The following TTC28 variants were observed in gnomAD, a reference collection of about 807,000 sequenced individuals.
The protein encoded by TTC28 is tetratricopeptide repeat domain 28.
Under a neutral mutation model 198.0 loss-of-function variants are expected in TTC28, and 61 were observed. That is an observed-to-expected ratio of 0.31 (90% CI 0.25 to 0.38). The LOEUF is 0.38. Among genes scored for constraint, TTC28 ranks in the 10% least tolerant of loss-of-function variants. The pLI is 1.00. For missense variants in TTC28, 2,678 were observed against 3,164.0 expected, an observed-to-expected ratio of 0.85 and a Z score of 3.69; for synonymous variants, 1,171 against 1,297.8, an observed-to-expected ratio of 0.90 and a Z score of 2.10.
chr22:28,599,049 G>A (rs1047083053), intron 2 of TTC28, among the ~76,000 whole-genome samples: 4 of 152,232 alleles, frequency 2.6e-5, no homozygotes, highest in South Asian at 4.1e-4. Context: ...TTCTCTGTGC[G>A]CTATATAGTA....
At position 28,138,064 on chromosome 22, in the gene TTC28, T is replaced by C. The variant is rs530488834; in HGVS notation, c.1441+25028A>G. On this transcript the variant is annotated intron_variant, in intron 6 of 22. Transcript: ENST00000397906. Reference sequence around the variant, plus strand: ...TATAGCCACTATGTCTGGCCCACATTCAAGGGAAGGAGAATTAGGCTCTAC... The same window carrying C: ...TATAGCCACTATGTCTGGCCCACATCCAAGGGAAGGAGAATTAGGCTCTAC... 3.9e-5 allele frequency among the ~76,000 whole-genome samples: 6 copies of C among 152,192 alleles called. No homozygotes were observed. The South Asian group carries it at 1.2e-3, about 32-fold the overall frequency.
intron 2 of TTC28, among the ~76,000 whole-genome samples, chr22:28,482,727 A>G (rs1601453448): frequency 6.6e-6 from 1 of 152,028 alleles, no homozygotes; most frequent in East Asian, 1.9e-4. Flanking sequence ...GCTTCTTCCT[A>G]TTCTCCCCTC....
chr22:28,232,495 C>T (rs1372916702), intron 5 of TTC28, among the ~76,000 whole-genome samples: 1 of 152,172 alleles, frequency 6.6e-6, no homozygotes, highest in Non-Finnish European at 1.5e-5. Context: ...AGCTGCTAGT[C>T]CTTGCTGGAG....
At chr22:28,421,947 A>G (rs1036915519) in intron 2 of TTC28, among the ~76,000 whole-genome samples, 11 of 152,086 alleles carry the variant, frequency 7.2e-5, no homozygotes, top group African/African-American at 2.4e-4. Context: ...AAAAAAAAAA[A>G]AAGAAGAGTT....
intron 6 of TTC28, among the ~76,000 whole-genome samples, chr22:28,120,406 G>A (rs1942753014): frequency 6.6e-6 from 1 of 152,150 alleles, no homozygotes; most frequent in Admixed American, 6.5e-5. Flanking sequence ...AAGGCAGGGT[G>A]GCTGGGTCTG....
chr22:28,440,867 G>A (rs1453622267), intron 2 of TTC28, among the ~76,000 whole-genome samples: 5 of 152,198 alleles, frequency 3.3e-5, no homozygotes, highest in African/African-American at 1.2e-4. Context: ...TTCCAAGGGA[G>A]CTCCTATTTC....
chr22:28,456,867 C>T (rs111631834), intron 2 of TTC28, among the ~76,000 whole-genome samples: 11 of 152,218 alleles, frequency 7.2e-5, no homozygotes, highest in Non-Finnish European at 1.0e-4. Context: ...TGCCACCGCA[C>T]CCGGCCCATA....
chr22:28,030,250 A>C lies in TTC28; in HGVS notation c.4049T>G (p.Val1350Gly). 6.4e-7 allele frequency: 1 copy of C among 1,551,742 alleles called. No homozygotes were observed. Among genetic ancestry groups the C allele is most frequent in the Non-Finnish European group, 8.7e-7 (1 of 1,147,000 alleles). Reference sequence around the variant, plus strand: ...CCTGTTAAACAGGTTATTGCGGCGAACCATCCGCAGAAAGCCAGTGGGGTC... The same window carrying C: ...CCTGTTAAACAGGTTATTGCGGCGACCCATCCGCAGAAAGCCAGTGGGGTC... ...VTDPTGFLRM[V>G]RRNNLFNRSC... The change falls in exon 13 of 23, where the codon GTT becomes GGT. Residue 1350 changes from valine to glycine, a missense_variant. Around this residue, in one of 8 missense-constraint regions of TTC28, gnomAD observed 727 missense variants for 861.9 expected, o/e 0.84. Transcript: ENST00000397906.
At chr22:28,088,225 G>A (rs143292651) in intron 12 of TTC28, among the ~76,000 whole-genome samples, 8,118 of 152,094 alleles carry the variant, frequency 0.053, 737 homozygotes, top group African/African-American at 0.18. Flanking sequence ...AGCCAAAAGA[G>A]CAAAGCTGGA....
At chr22:28,348,080 G>A (rs560367893) in intron 2 of TTC28, among the ~76,000 whole-genome samples, 132 of 152,276 alleles carry the variant, frequency 8.7e-4, no homozygotes, top group South Asian at 8.3e-3. Flanking sequence ...TTCCAAGTCC[G>A]TCTAGGATCT....
chr22:28,105,425 T>C lies in TTC28; in HGVS notation c.3161A>G (p.Glu1054Gly). 1 of 1,551,678 alleles carries C rather than the reference T, an allele frequency of 6.4e-7. No individual in the cohort carries two copies. The highest frequency in any genetic ancestry group is 8.7e-7 in the Non-Finnish European group (1 of 1,146,982). ...CTGTTCTTGATAGACCACAGCCCTC[T>C]CGAAGGTGCCCAGGGATTCATAAGT... ...GLTYESLGTF[E>G]RAVVYQEQHL... Residue 1054 changes from glutamate to glycine, a missense_variant, in exon 8 of 23, where the codon GAG (glutamate) becomes GGG (glycine). By Grantham distance (98) the Glu-to-Gly change is moderately conservative (BLOSUM62 -2). Coordinates refer to ENST00000397906, the MANE Select transcript of TTC28 (RefSeq NM_001145418.2).
At chr22:28,233,006 G>C (rs894561509) in intron 5 of TTC28, among the ~76,000 whole-genome samples, 2 of 151,820 alleles carry the variant, frequency 1.3e-5, no homozygotes, top group African/African-American at 4.8e-5. Flanking sequence ...GGAGGCTGAG[G>C]CAGGAGAATC....
chr22:28,561,218 C>A (rs2049872313), intron 2 of TTC28, among the ~76,000 whole-genome samples: 1 of 151,974 alleles, frequency 6.6e-6, no homozygotes, highest in Non-Finnish European at 1.5e-5. Context: ...GGACTACAGG[C>A]ACCCACCGCC....
intron 12 of TTC28, among the ~76,000 whole-genome samples, chr22:28,069,435 T>A (rs2146766512): frequency 6.6e-6 from 1 of 152,280 alleles, no homozygotes; most frequent in Middle Eastern, 3.4e-3. Flanking sequence ...TCTCTCTTCT[T>A]TGTCCAAAAA....
chr22:28,287,716 T>C (rs1198842025), intron 5 of TTC28, among the ~76,000 whole-genome samples: 2 of 152,158 alleles, frequency 1.3e-5, no homozygotes, highest in African/African-American at 2.4e-5. Context: ...GTTTGGACTT[T>C]ATCCTGGAGG....
chr22:28,675,613 C>T (rs981330608), intron 1 of TTC28, among the ~76,000 whole-genome samples: 2 of 151,608 alleles, frequency 1.3e-5, no homozygotes, highest in Non-Finnish European at 2.9e-5. Flanking sequence ...TTAACCGTGC[C>T]TGTAGTCCTA....
At chr22:28,627,981 C>T (rs1208016609) in intron 2 of TTC28, among the ~76,000 whole-genome samples, 2 of 152,116 alleles carry the variant, frequency 1.3e-5, no homozygotes. Context: ...TCATGACTCA[C>T]TGCAGCCTCT....
intron 2 of TTC28, among the ~76,000 whole-genome samples, chr22:28,395,958 A>G (rs1254952513): frequency 6.6e-6 from 1 of 152,198 alleles, no homozygotes; most frequent in Non-Finnish European, 1.5e-5. Context: ...TAATGCAGAC[A>G]AATAATAAAC....
intron 2 of TTC28, among the ~76,000 whole-genome samples, chr22:28,544,213 G>A (rs982801275): frequency 3.3e-5 from 5 of 152,200 alleles, no homozygotes; most frequent in African/African-American, 4.8e-5. Context: ...GTGAGACTCC[G>A]TCTCAAAAAA....
Sources: gnomAD v4.1 joint callset for allele counts (sites outside exome capture counted in the v4.1 genomes callset) on GRCh38, gnomAD v4.1.1 for gene constraint, gnomAD v4.1.1 regional missense constraint, MANE v1.5 for transcripts, NCBI Gene and HGNC (gene_info 2026-07-23, HGNC 2026-07-21) for gene names.